The following MIPOL1 variants were observed in gnomAD, a reference collection of about 807,000 sequenced individuals.
The protein encoded by MIPOL1 is mirror-image polydactyly 1.
Under a neutral mutation model 60.9 loss-of-function variants are expected in MIPOL1, and 57 were observed. That is an observed-to-expected ratio of 0.94 (90% CI 0.76 to 1.17). The LOEUF is 1.17. Ranked by LOEUF, MIPOL1 falls within the 50% of genes most tolerant of loss-of-function variation. The pLI is 0.00. For synonymous variants in MIPOL1, 179 were observed against 168.8 expected, an observed-to-expected ratio of 1.06 and a Z score of -0.47; for missense variants, 551 against 511.6, an observed-to-expected ratio of 1.08 and a Z score of -0.74.
chr14:37,471,920 C>CT (rs765598869), intron 11 of MIPOL1, among the ~76,000 whole-genome samples: 41 of 152,304 alleles, frequency 2.7e-4, no homozygotes, highest in Non-Finnish European at 5.0e-4. Context: ...CTAGCCCTAG[C>CT]AAAGCGCCCA....
At chr14:37,321,945 CAT>C (rs935042118) in intron 9 of MIPOL1, among the ~76,000 whole-genome samples, 2 of 151,852 alleles carry the variant, frequency 1.3e-5, no homozygotes, top group African/African-American at 4.8e-5. Flanking sequence ...AAATTTTAAA[CAT>C]ATGGAAAATT....
chr14:37,370,817 A>G (rs1037160849), intron 10 of MIPOL1, among the ~76,000 whole-genome samples: 6 of 152,204 alleles, frequency 3.9e-5, no homozygotes, highest in African/African-American at 1.4e-4. Flanking sequence ...ACCCCCAAGG[A>G]ATTTACTATT....
chr14:37,257,550 A>G (rs973622641), intron 3 of MIPOL1, among the ~76,000 whole-genome samples: 50 of 152,252 alleles, frequency 3.3e-4, no homozygotes, highest in African/African-American at 1.2e-3. Flanking sequence ...TTTATCTGCC[A>G]AAGGCAGGTT....
In MIPOL1 at chr14:37,436,683, G is replaced by A. The variant is rs541293610; in HGVS notation, c.1031+13734G>A. 3.9e-5 allele frequency among the ~76,000 whole-genome samples: 6 copies of A among 152,290 alleles called. No homozygotes were observed. In the East Asian group the frequency reaches 7.7e-4, roughly 20 times the overall value. On this transcript the variant is annotated intron_variant, in intron 11 of 12. Transcript: ENST00000684589. ...TGACTGAGGATGATGATGACGATCC[G>A]TCAGTATTTTTAAGACTGGGTGGCA...
At position 37,308,341 on chromosome 14, in the gene MIPOL1, G is replaced by T. The variant is rs766480156; in HGVS notation, c.658-8G>T. The T allele has an allele frequency of 4.3e-5, 66 of 1,529,876 alleles. No homozygotes were observed. Among genetic ancestry groups the T allele is most frequent in the Non-Finnish European group, 5.4e-5 (62 of 1,145,314 alleles). The allele number at this position is 1,529,876 out of a possible 1,614,324, so 94.8% of individuals were successfully genotyped here. On this transcript the variant is annotated splice_polypyrimidine_tract_variant and splice_region_variant and intron_variant, in intron 8 of 12. Coordinates refer to ENST00000684589, the MANE Select transcript of MIPOL1 (RefSeq NM_001388067.1). The stretch of plus-strand genomic sequence containing the variant: ...TCATGTCTGACTAACATATAATGGT[G>T]TTGGTAGACATTACAGGAATTACTG...
At chr14:37,542,939 C>T (rs2095535097) in intron 12 of MIPOL1, among the ~76,000 whole-genome samples, 1 of 152,174 alleles carries the variant, frequency 6.6e-6, no homozygotes, top group Admixed American at 6.5e-5. Context: ...TTAACATCCC[C>T]ACTTTTACGT....
At chr14:37,366,366 C>G (rs935054138) in intron 9 of MIPOL1, among the ~76,000 whole-genome samples, 6 of 151,860 alleles carry the variant, frequency 4.0e-5, no homozygotes, top group Non-Finnish European at 8.8e-5. Context: ...TCATTTGTTT[C>G]AAGAAGTTTT....
chr14:37,472,250 G>A (rs191458657), intron 11 of MIPOL1, among the ~76,000 whole-genome samples: 126 of 152,270 alleles, frequency 8.3e-4, no homozygotes, highest in Non-Finnish European at 1.4e-3. Flanking sequence ...TCCTAAGGGA[G>A]TTGGGATCAT....
intron 11 of MIPOL1, among the ~76,000 whole-genome samples, chr14:37,495,517 AT>A (rs945431249): frequency 1.3e-4 from 19 of 148,642 alleles, no homozygotes; most frequent in Non-Finnish European, 2.8e-4. Flanking sequence ...CATTTTCTTA[AT>A]CCAGTCTATC....
At chr14:37,410,683 C>A (rs2153538900) in intron 10 of MIPOL1, among the ~76,000 whole-genome samples, 1 of 152,118 alleles carries the variant, frequency 6.6e-6, no homozygotes, top group South Asian at 2.1e-4. Flanking sequence ...TTAAAAATAG[C>A]AAATAAATTA....
chr14:37,214,755 G>A (rs1185903516), intron 1 of MIPOL1, among the ~76,000 whole-genome samples: 1 of 152,206 alleles, frequency 6.6e-6, no homozygotes, highest in African/African-American at 2.4e-5. Flanking sequence ...GGCTACTAGA[G>A]GCCTCCTTGG....
chr14:37,494,154 T>A (rs1359656518), intron 11 of MIPOL1, among the ~76,000 whole-genome samples: 6 of 152,310 alleles, frequency 3.9e-5, no homozygotes, highest in African/African-American at 1.2e-4. Flanking sequence ...TATTGGAAAA[T>A]TCCTTAGAAT....
At chr14:37,297,250 C>T (rs554037321) in intron 7 of MIPOL1, among the ~76,000 whole-genome samples, 2 of 152,240 alleles carry the variant, frequency 1.3e-5, no homozygotes, top group Admixed American at 1.3e-4. Flanking sequence ...TGACAAAATT[C>T]AACAACCTTC....
At chr14:37,247,998 A>G in intron 3 of MIPOL1, 91 bp downstream of exon 3, 1 of 1,281,368 alleles carries the variant, frequency 7.8e-7, no homozygotes, top group Admixed American at 1.9e-5. Context: ...CCAATATATT[A>G]GACAGAGGTA....
At chr14:37,249,661 CTT>C (rs1594734239) in intron 3 of MIPOL1, among the ~76,000 whole-genome samples, 1 of 151,994 alleles carries the variant, frequency 6.6e-6, no homozygotes, top group African/African-American at 2.4e-5. Context: ...TTATGTGACA[CTT>C]AATTTTGGTG....
chr14:37,204,734 T>G (rs1239667541), intron 1 of MIPOL1, among the ~76,000 whole-genome samples: 1 of 152,080 alleles, frequency 6.6e-6, no homozygotes, highest in Non-Finnish European at 1.5e-5. Context: ...ACTAACACAG[T>G]AAACAGACTA....
At chr14:37,335,443 A>G (rs2153457453) in intron 9 of MIPOL1, among the ~76,000 whole-genome samples, 1 of 152,074 alleles carries the variant, frequency 6.6e-6, no homozygotes, top group East Asian at 1.9e-4. Flanking sequence ...TTCACCCCTG[A>G]CATTTCACTT....
At chr14:37,202,384 T>TACAC (rs3061896) in intron 1 of MIPOL1, among the ~76,000 whole-genome samples, 165 of 150,038 alleles carry the variant, frequency 1.1e-3, no homozygotes, top group Non-Finnish European at 1.9e-3. Flanking sequence ...TGCATTTCAT[T>TACAC]ACACACACAC....
chr14:37,270,546 C>T, intron 6 of MIPOL1, 21 bp downstream of exon 6: 1 of 1,327,222 alleles, frequency 7.5e-7, no homozygotes, highest in East Asian at 2.5e-5. Context: ...GGAGTATTAA[C>T]ACATGGCTTG....
Sources: gnomAD v4.1 joint callset for allele counts (sites outside exome capture counted in the v4.1 genomes callset) on GRCh38, gnomAD v4.1.1 for gene constraint, MANE v1.5 for transcripts, NCBI Gene and HGNC (gene_info 2026-07-23, HGNC 2026-07-21) for gene names.